Variants in USH2A observed in about 807,000 individuals in gnomAD.
USH2A encodes Usher syndrome 2A (autosomal recessive, mild).
A neutral mutation model predicts 538.9 loss-of-function variants in USH2A; 443 were observed. The observed-to-expected ratio is 0.82, with a 90% CI of 0.76 to 0.89. USH2A has a LOEUF of 0.89. Among genes scored for constraint, USH2A ranks in the 40% least tolerant of loss-of-function variants. The pLI is 0.00. For synonymous variants in USH2A, 2,413 were observed against 2,273.5 expected, an observed-to-expected ratio of 1.06 and a Z score of -1.75; for missense variants, 6,633 against 6,324.8, an observed-to-expected ratio of 1.05 and a Z score of -1.65.
chr1:215,648,845 T>G, intron 65 of USH2A, 79 bp from the exon 66 acceptor site: 3 of 1,370,372 alleles, frequency 2.2e-6, no homozygotes, highest in Non-Finnish European at 3.1e-6. Context: ...AGATCCCACC[T>G]CCTACAAATG....
intron 54 of USH2A, among the ~76,000 whole-genome samples, chr1:215,781,383 T>G (rs529402082): frequency 6.6e-6 from 1 of 152,336 alleles, no homozygotes; most frequent in African/African-American, 2.4e-5. Flanking sequence ...TTCTCTTTTT[T>G]AAAAATTTGC....
intron 21 of USH2A, among the ~76,000 whole-genome samples, chr1:216,171,475 A>G (rs1366512685): frequency 2.0e-5 from 3 of 152,126 alleles, no homozygotes; most frequent in Non-Finnish European, 4.4e-5. Flanking sequence ...ACATTTGAGC[A>G]AACATATTTT....
chr1:216,314,405 G>T (rs976332465), intron 9 of USH2A, among the ~76,000 whole-genome samples: 8 of 151,734 alleles, frequency 5.3e-5, no homozygotes, highest in African/African-American at 1.7e-4. Context: ...GTGAATGCTA[G>T]TTATATAAAA....
At chr1:216,052,512 C>T (rs2030825276) in intron 30 of USH2A, among the ~76,000 whole-genome samples, 1 of 152,122 alleles carries the variant, frequency 6.6e-6, no homozygotes, top group South Asian at 2.1e-4. Context: ...CATTTCTTTT[C>T]TATTTCCAGT....
intron 34 of USH2A, among the ~76,000 whole-genome samples, chr1:215,996,210 C>T (rs966457888): frequency 4.6e-5 from 7 of 152,148 alleles, no homozygotes; most frequent in African/African-American, 1.7e-4. Context: ...TGTGCCCGGA[C>T]CAAAACTAGC....
chr1:216,117,500 C>A (rs2102591157), intron 21 of USH2A, among the ~76,000 whole-genome samples: 1 of 152,148 alleles, frequency 6.6e-6, no homozygotes. Context: ...TGCATGGTAA[C>A]AATACACATA....
intron 47 of USH2A, among the ~76,000 whole-genome samples, chr1:215,831,918 T>C (rs1311108520): frequency 6.6e-6 from 1 of 151,904 alleles, no homozygotes; most frequent in African/African-American, 2.4e-5. Flanking sequence ...AACTCTAGGC[T>C]GAACAGAAAA....
chr1:216,418,253 G>A (rs185017112), intron 3 of USH2A, among the ~76,000 whole-genome samples: 272 of 152,206 alleles, frequency 1.8e-3, no homozygotes, highest in African/African-American at 6.3e-3. Context: ...AAAATTTTCT[G>A]AGGATATTAC....
chr1:215,710,935 A>G (rs1659322411), intron 61 of USH2A, among the ~76,000 whole-genome samples: 1 of 152,020 alleles, frequency 6.6e-6, no homozygotes, highest in South Asian at 2.1e-4. Context: ...CATTTCTTCT[A>G]TCGGCTTCTA....
chr1:216,396,475 T>A (rs895934236), intron 3 of USH2A, among the ~76,000 whole-genome samples: 2 of 152,136 alleles, frequency 1.3e-5, no homozygotes, highest in Non-Finnish European at 2.9e-5. Flanking sequence ...CGACAAAAAT[T>A]AACAACAGCC....
intron 4 of USH2A, among the ~76,000 whole-genome samples, chr1:216,346,500 G>C (rs1349058338): frequency 6.6e-6 from 1 of 152,040 alleles, no homozygotes; most frequent in African/African-American, 2.4e-5. Flanking sequence ...CAATAACTAG[G>C]TAGGAAATAC....
At chr1:215,863,978 T>G (rs1664399803) in intron 44 of USH2A, among the ~76,000 whole-genome samples, 1 of 152,150 alleles carries the variant, frequency 6.6e-6, no homozygotes, top group South Asian at 2.1e-4. Context: ...TCATTTCCTC[T>G]TTTACAAAGC....
intron 3 of USH2A, among the ~76,000 whole-genome samples, chr1:216,384,772 GA>G (rs955236468): frequency 7.9e-5 from 12 of 151,560 alleles, no homozygotes; most frequent in Admixed American, 2.0e-4. Context: ...GCAACAGAAT[GA>G]AAAAAAATGA....
chr1:215,971,290 G>A (rs1392014442), intron 35 of USH2A, among the ~76,000 whole-genome samples: 1 of 152,074 alleles, frequency 6.6e-6, no homozygotes, highest in Non-Finnish European at 1.5e-5. Flanking sequence ...TATCATATTG[G>A]AGGAGAAACT....
Position 216,246,908 on chromosome 1 carries a change from C to T in USH2A, c.2486G>A (p.Cys829Tyr). The change falls in exon 13 of 72, where the codon TGT (cysteine) becomes TAT (tyrosine). Residue 829 changes from cysteine to tyrosine, a missense_variant. Transcript: ENST00000307340. The part of the protein sequence containing the change: ...PNVEGRQCNK[C>Y]LEGNFYLRQN... ...CCGTAGGTAGAAGTTTCCCTCCAAACATTTATTGCACTGTCTCCCTTCAAC... is the reference window on the plus strand; with the variant it reads ...CCGTAGGTAGAAGTTTCCCTCCAAATATTTATTGCACTGTCTCCCTTCAAC... 6.2e-7 allele frequency: 1 copy of T among 1,614,152 alleles called. No homozygotes were observed. The highest frequency in any genetic ancestry group is 1.3e-5 in the African/African-American group (1 of 75,064).
chr1:215,699,658 T>C (rs1017223539), intron 61 of USH2A, among the ~76,000 whole-genome samples: 20 of 152,240 alleles, frequency 1.3e-4, no homozygotes, highest in African/African-American at 4.8e-4. Flanking sequence ...TTTTTGCACA[T>C]TGATTTTGTA....
intron 49 of USH2A, among the ~76,000 whole-genome samples, chr1:215,807,585 G>A (rs1662539148): frequency 6.6e-6 from 1 of 152,176 alleles, no homozygotes; most frequent in South Asian, 2.1e-4. Flanking sequence ...TTGCAAAATG[G>A]AAAGTCTTTT....
chr1:215,626,503 A>C (rs1181964700), intron 71 of USH2A, among the ~76,000 whole-genome samples: 1 of 151,636 alleles, frequency 6.6e-6, no homozygotes, highest in Admixed American at 6.6e-5. Context: ...ATTTCTTCCC[A>C]CTCTTGTGCT....
At chr1:215,963,879 A>T (rs984422547) in intron 37 of USH2A, among the ~76,000 whole-genome samples, 2 of 152,108 alleles carry the variant, frequency 1.3e-5, no homozygotes, top group Non-Finnish European at 1.5e-5. Flanking sequence ...TGAACCGATA[A>T]ATTCCAGCAG....
Sources: gnomAD v4.1 joint callset for allele counts (sites outside exome capture counted in the v4.1 genomes callset) on GRCh38, gnomAD v4.1.1 for gene constraint, MANE v1.5 for transcripts, NCBI Gene and HGNC (gene_info 2026-07-23, HGNC 2026-07-21) for gene names.